ESR1: variants seen among roughly 807,000 people sequenced by gnomAD.
ESR1 encodes the protein estrogen receptor 1.
Under a neutral mutation model 52.7 loss-of-function variants are expected in ESR1, and 12 were observed. That is an observed-to-expected ratio of 0.23 (90% CI 0.15 to 0.37). The LOEUF is 0.37. Among genes scored for constraint, ESR1 ranks in the 10% least tolerant of loss-of-function variants. The probability of loss-of-function intolerance (pLI) is 1.00; values close to 1 mark genes in which losing one functional copy is unlikely to be tolerated. For missense variants in ESR1, 584 were observed against 779.7 expected (o/e 0.75, Z 2.99); for synonymous variants, 305 against 316.8 (o/e 0.96, Z 0.39).
chr6:152,014,928 A>T (rs1385586765), intron 5 of ESR1, among the ~76,000 whole-genome samples: 2 of 152,072 alleles, frequency 1.3e-5, no homozygotes, highest in Non-Finnish European at 2.9e-5. Context: ...TTAGCCGGGC[A>T]TGGTGGCTCA....
chr6:152,037,141 T>C (rs75244033), intron 5 of ESR1, among the ~76,000 whole-genome samples: 2,763 of 152,340 alleles, frequency 0.018, 47 homozygotes, highest in Non-Finnish European at 0.03. Context: ...TAGCATCGGC[T>C]TAGTTTAGTG....
At chr6:151,840,217 C>T (rs2128229474) in intron 1 of ESR1, among the ~76,000 whole-genome samples, 1 of 152,316 alleles carries the variant, frequency 6.6e-6, no homozygotes, top group South Asian at 2.1e-4. Flanking sequence ...AGGCACTAAG[C>T]TTCTACAGTT....
intron 4 of ESR1, among the ~76,000 whole-genome samples, chr6:151,968,340 C>T (rs2038516862): frequency 6.6e-6 from 1 of 152,116 alleles, no homozygotes; most frequent in Non-Finnish European, 1.5e-5. Flanking sequence ...CTAGGCAGTA[C>T]AATTCAGGAC....
chr6:151,826,172 T>C (rs1455456114), intron 1 of ESR1, among the ~76,000 whole-genome samples: 1 of 152,146 alleles, frequency 6.6e-6, no homozygotes, highest in Non-Finnish European at 1.5e-5. Context: ...ATGCTTAGAC[T>C]ACAGCAGGAG....
chr6:151,865,003 G>A (rs1251469985), intron 2 of ESR1, among the ~76,000 whole-genome samples: 2 of 151,332 alleles, frequency 1.3e-5, no homozygotes, highest in Non-Finnish European at 2.9e-5. Flanking sequence ...TGAGTTAATG[G>A]GTGCAGCACA....
At chr6:151,742,045 T>C (rs1425254080) in intron 2 of ESR1, among the ~76,000 whole-genome samples, 3 of 152,232 alleles carry the variant, frequency 2.0e-5, no homozygotes, top group African/African-American at 7.2e-5. Flanking sequence ...TTCTGAGTCT[T>C]TGTTTATTTC....
chr6:151,716,878 T>C (rs546409069), intron 2 of ESR1, among the ~76,000 whole-genome samples: 1 of 152,254 alleles, frequency 6.6e-6, no homozygotes, highest in South Asian at 2.1e-4. Flanking sequence ...CACTAGGGTA[T>C]GAAAAACAAA....
At chr6:151,971,238 G>T in intron 4 of ESR1, among the ~76,000 whole-genome samples, 1 of 152,040 alleles carries the variant, frequency 6.6e-6, no homozygotes, top group East Asian at 1.9e-4. Flanking sequence ...GTGATGTTTG[G>T]TTACATGAAT....
At chr6:152,068,431 G>A (rs950524789) in intron 6 of ESR1, among the ~76,000 whole-genome samples, 1 of 152,128 alleles carries the variant, frequency 6.6e-6, no homozygotes, top group African/African-American at 2.4e-5. Flanking sequence ...CTGGGGGTGT[G>A]GAGGAGGGGA....
At chr6:151,728,107 G>C (rs1781976151) in intron 2 of ESR1, among the ~76,000 whole-genome samples, 2 of 152,148 alleles carry the variant, frequency 1.3e-5, no homozygotes, top group South Asian at 4.1e-4. Flanking sequence ...GTGTTTAAAA[G>C]CTTGGGCTCT....
chr6:152,129,403 A>T (rs181200582), exon 7 of ESR1: 1 of 152,370 alleles, frequency 6.6e-6, no homozygotes, highest in East Asian at 1.9e-4. Flanking sequence ...TGGGGAAAAG[A>T]TGGACTATAT....
intron 1 of ESR1, among the ~76,000 whole-genome samples, chr6:151,835,752 G>A (rs570964819): frequency 6.6e-6 from 1 of 152,246 alleles, no homozygotes; most frequent in South Asian, 2.1e-4. Flanking sequence ...ACCAATGCTA[G>A]TTGGTGCAAG....
At chr6:151,657,839 A>T (rs778304354) in intron 1 of ESR1, among the ~76,000 whole-genome samples, 8 of 152,102 alleles carry the variant, frequency 5.3e-5, no homozygotes, top group Non-Finnish European at 1.2e-4. Flanking sequence ...ATGGTTATAT[A>T]TTGGCATTTT....
At chr6:151,718,437 G>A (rs1781214024) in intron 2 of ESR1, among the ~76,000 whole-genome samples, 1 of 152,184 alleles carries the variant, frequency 6.6e-6, no homozygotes, top group Non-Finnish European at 1.5e-5. Context: ...TATTTTTGGT[G>A]ACCAAGGAGT....
chr6:151,990,788 A>G (rs956948503), intron 4 of ESR1, among the ~76,000 whole-genome samples: 1 of 152,178 alleles, frequency 6.6e-6, no homozygotes, highest in Non-Finnish European at 1.5e-5. Flanking sequence ...CTGTGACTTA[A>G]GTATGTAAAT....
chr6:152,119,805 C>A (rs943506047), intron 6 of ESR1, among the ~76,000 whole-genome samples: 2 of 152,168 alleles, frequency 1.3e-5, no homozygotes, highest in Admixed American at 1.3e-4. Context: ...ATGCTCATGG[C>A]CCCATACCCA....
chr6:151,739,395 G>T (rs1418834483), intron 2 of ESR1, among the ~76,000 whole-genome samples: 1 of 152,124 alleles, frequency 6.6e-6, no homozygotes, highest in Admixed American at 6.5e-5. Context: ...CTTTTCTGGG[G>T]AATTTTTCTA....
At chr6:151,879,970 C>G (rs931441156) in intron 2 of ESR1, among the ~76,000 whole-genome samples, 1 of 152,152 alleles carries the variant, frequency 6.6e-6, no homozygotes, top group Non-Finnish European at 1.5e-5. Flanking sequence ...TTTCTAAAAG[C>G]TCTACCCTCA....
At chr6:152,075,117 G>T (rs985545816) in intron 6 of ESR1, among the ~76,000 whole-genome samples, 9 of 152,180 alleles carry the variant, frequency 5.9e-5, no homozygotes, top group African/African-American at 2.2e-4. Flanking sequence ...AAGCCATGGG[G>T]TCACCAGAGG....
Sources: gnomAD v4.1 joint callset for allele counts (sites outside exome capture counted in the v4.1 genomes callset) on GRCh38, gnomAD v4.1.1 for gene constraint, MANE v1.5 for transcripts, NCBI Gene and HGNC (gene_info 2026-07-23, HGNC 2026-07-21) for gene names.